Variants in TMEM131 observed in about 807,000 individuals in gnomAD.
TMEM131 encodes transmembrane protein 131.
Under a neutral mutation model 211.6 loss-of-function variants are expected in TMEM131, and 66 were observed. The observed-to-expected ratio is 0.31, with a 90% CI of 0.26 to 0.38. The LOEUF is 0.38. Ranked by LOEUF, TMEM131 falls within the 10% of genes least tolerant of loss-of-function variation. The pLI, the probability that TMEM131 is intolerant of heterozygous loss-of-function variation, is 1.00. For synonymous variants in TMEM131, 844 were observed against 841.3 expected (o/e 1.00, Z -0.06); for missense variants, 2,036 against 2,299.3 (o/e 0.89, Z 2.34).
At chr2:97,820,077 A>C (rs1231948841) in intron 11 of TMEM131, among the ~76,000 whole-genome samples, 2 of 152,202 alleles carry the variant, frequency 1.3e-5, no homozygotes, top group African/African-American at 4.8e-5. Context: ...GGCTGTCAGC[A>C]AGTGTTCGTT....
intron 4 of TMEM131, among the ~76,000 whole-genome samples, chr2:97,875,780 C>T (rs78610615): frequency 0.018 from 2,702 of 151,994 alleles, 113 homozygotes; most frequent in East Asian, 0.15. Context: ...GATCTAAAAT[C>T]GAAAACATAA....
At chr2:97,968,114 C>T (rs991897178) in intron 1 of TMEM131, among the ~76,000 whole-genome samples, 2 of 152,086 alleles carry the variant, frequency 1.3e-5, no homozygotes, top group Admixed American at 1.3e-4. Flanking sequence ...GGCCTGTTCA[C>T]TCCACCACAC....
At chr2:97,927,323 T>C in intron 2 of TMEM131, 103 bp downstream of exon 2, 1 of 876,980 alleles carries the variant, frequency 1.1e-6, no homozygotes. Context: ...GCTCATAAAA[T>C]ATAAATATAT....
At position 97,776,023 on chromosome 2, in the gene TMEM131, G is replaced by A; in HGVS notation, c.4145-5C>T. The A allele has an allele frequency of 6.3e-7, 1 of 1,595,866 alleles. No homozygotes were observed. The highest frequency in any genetic ancestry group is 8.5e-7 in the Non-Finnish European group (1 of 1,174,798). On this transcript the variant is annotated splice_region_variant and splice_polypyrimidine_tract_variant and intron_variant, in intron 31 of 40. Transcript: ENST00000186436. ...GCTGAAGAGGTTTTCCTTTCCCTGA[G>A]GATAAAAATTAAAGTAAAAGAACTC...
chr2:97,859,064 G>A (rs898052577), intron 5 of TMEM131, among the ~76,000 whole-genome samples: 2 of 152,224 alleles, frequency 1.3e-5, no homozygotes, highest in African/African-American at 2.4e-5. Context: ...TGTACTGAAT[G>A]TAAGAATGCT....
At chr2:97,957,123 A>G (rs993492350) in intron 1 of TMEM131, among the ~76,000 whole-genome samples, 2 of 152,040 alleles carry the variant, frequency 1.3e-5, no homozygotes, top group Non-Finnish European at 2.9e-5. Flanking sequence ...GTTATCCTAC[A>G]GCAATAATTT....
At chr2:97,932,657 T>C (rs1276581897) in intron 1 of TMEM131, among the ~76,000 whole-genome samples, 1 of 152,236 alleles carries the variant, frequency 6.6e-6, no homozygotes, top group Non-Finnish European at 1.5e-5. Context: ...TAAAAAGATC[T>C]GTAAACTTCA....
intron 1 of TMEM131, among the ~76,000 whole-genome samples, chr2:97,940,817 A>C (rs1034116631): frequency 1.3e-5 from 2 of 151,886 alleles, no homozygotes; most frequent in Non-Finnish European, 2.9e-5. Context: ...TCAAAAAAAA[A>C]AAAAAAAGAC....
At chr2:97,763,488 C>G (rs1032007935) in intron 35 of TMEM131, 2 of 152,562 alleles carry the variant, frequency 1.3e-5, no homozygotes, top group Admixed American at 1.3e-4. Flanking sequence ...GATCTGCTGA[C>G]CTGATGCCCA....
At chr2:97,976,571 T>A (rs1369790733) in intron 1 of TMEM131, among the ~76,000 whole-genome samples, 1 of 152,134 alleles carries the variant, frequency 6.6e-6, no homozygotes, top group Non-Finnish European at 1.5e-5. Flanking sequence ...TGTTAAGAAG[T>A]CAGTTCCCCC....
chr2:97,782,375 C>T (rs1680052076), intron 31 of TMEM131, among the ~76,000 whole-genome samples: 1 of 152,200 alleles, frequency 6.6e-6, no homozygotes, highest in Non-Finnish European at 1.5e-5. Flanking sequence ...TCAGAGAAAG[C>T]CAGTTAAAAC....
At chr2:97,868,133 T>A (rs1674345745) in intron 4 of TMEM131, among the ~76,000 whole-genome samples, 1 of 152,176 alleles carries the variant, frequency 6.6e-6, no homozygotes, top group African/African-American at 2.4e-5. Context: ...TTTTTGTGTA[T>A]CTAAATTAAC....
intron 35 of TMEM131, 66 bp from the exon 36 acceptor site, chr2:97,762,266 T>C: frequency 6.6e-7 from 1 of 1,517,316 alleles, no homozygotes; most frequent in Non-Finnish European, 9.1e-7. Flanking sequence ...CAAATCACTT[T>C]GAATGTTCTC....
At chr2:97,886,467 G>C (rs1023037001) in intron 4 of TMEM131, among the ~76,000 whole-genome samples, 1 of 152,026 alleles carries the variant, frequency 6.6e-6, no homozygotes, top group Non-Finnish European at 1.5e-5. Flanking sequence ...TTGGTGGGGT[G>C]CATTGGCTTT....
intron 4 of TMEM131, among the ~76,000 whole-genome samples, chr2:97,882,626 C>A (rs903882674): frequency 1.3e-5 from 2 of 152,206 alleles, no homozygotes; most frequent in Admixed American, 1.3e-4. Context: ...CCGCTATCCT[C>A]CCTTACTGAC....
Position 97,760,704 on chromosome 2 carries a change from G to A in TMEM131, c.5012-15C>T, listed in dbSNP as rs751203240. 7.4e-6 allele frequency: 12 copies of A among 1,613,916 alleles called. No individual in the cohort carries two copies. The highest frequency in any genetic ancestry group is 6.6e-5 in the South Asian group (6 of 91,080). ...GCCATTCCCACCTGTAACAATGGAC[G>A]TTCAATCAATGGAAGGCACATTAGG... On this transcript the variant is annotated splice_polypyrimidine_tract_variant and intron_variant, in intron 37 of 40. Coordinates refer to ENST00000186436, the MANE Select transcript of TMEM131 (RefSeq NM_015348.2).
At chr2:97,990,335 T>C (rs567239842) in intron 1 of TMEM131, among the ~76,000 whole-genome samples, 1 of 152,160 alleles carries the variant, frequency 6.6e-6, no homozygotes, top group South Asian at 2.1e-4. Context: ...AAAAAGTACA[T>C]TTTACTTGAA....
intron 7 of TMEM131, among the ~76,000 whole-genome samples, chr2:97,837,890 C>A (rs1374144720): frequency 6.6e-6 from 1 of 152,156 alleles, no homozygotes; most frequent in African/African-American, 2.4e-5. Flanking sequence ...CCTTCTCTGT[C>A]CCTTCCTATT....
intron 3 of TMEM131, 35 bp downstream of exon 3, chr2:97,908,623 G>C (rs549945044): frequency 2.0e-6 from 3 of 1,535,018 alleles, no homozygotes; most frequent in African/African-American, 2.7e-5. Flanking sequence ...AGAAGGAACC[G>C]AAAGTATGTT....
Sources: gnomAD v4.1 joint callset for allele counts (sites outside exome capture counted in the v4.1 genomes callset) on GRCh38, gnomAD v4.1.1 for gene constraint, MANE v1.5 for transcripts, NCBI Gene and HGNC (gene_info 2026-07-23, HGNC 2026-07-21) for gene names.